The following PDZRN4 variants were observed in gnomAD, a reference collection of about 807,000 sequenced individuals.
PDZRN4 encodes PDZ domain-containing RING finger protein 4.
Under a neutral mutation model 99.0 loss-of-function variants are expected in PDZRN4, and 70 were observed. The ratio of observed to expected loss-of-function variants is 0.71; its 90% CI spans 0.58 to 0.86. The LOEUF is 0.86. Ranked by LOEUF, PDZRN4 falls within the 40% of genes least tolerant of loss-of-function variation. The pLI is 0.00. For missense variants in PDZRN4, 1,474 were observed against 1,331.2 expected (o/e 1.11, Z -1.67); for synonymous variants, 551 against 501.6 (o/e 1.10, Z -1.32).
Position 41,573,657 on chromosome 12 carries a change from C to T in PDZRN4, c.2878C>T (p.Arg960Cys). The change falls in exon 10 of 10, where the codon CGT becomes TGT. Residue 960 changes from arginine (R) to cysteine (C), a missense_variant. Coordinates refer to ENST00000402685, the MANE Select transcript of PDZRN4 (RefSeq NM_001164595.2). ...TAGGGCCAAAGAGCAGCGCCGTCGC[C>T]GTGAGTTCATGATGCGAAGCAGGTT... ...LVRAKEQRRR[R>C]EFMMRSRLEC... The T allele has an allele frequency of 6.2e-7, 1 of 1,613,968 alleles. No homozygotes were observed. The highest frequency in any genetic ancestry group is 8.5e-7 in the Non-Finnish European group (1 of 1,179,992).
chr12:41,552,814 G>C, intron 6 of PDZRN4, 60 bp downstream of exon 6: 4 of 1,298,956 alleles, frequency 3.1e-6, no homozygotes, highest in Non-Finnish European at 4.5e-6. Context: ...AGAGCGAAAT[G>C]ACTCACAATG....
intron 3 of PDZRN4, among the ~76,000 whole-genome samples, chr12:41,239,549 T>C (rs1566385584): frequency 2.6e-5 from 4 of 152,152 alleles, no homozygotes; most frequent in African/African-American, 9.7e-5. Context: ...TGTAATAACA[T>C]AGGGAAATTA....
intron 3 of PDZRN4, among the ~76,000 whole-genome samples, chr12:41,410,338 GATAC>G (rs1205418966): frequency 1.3e-5 from 2 of 152,080 alleles, no homozygotes; most frequent in African/African-American, 4.8e-5. Flanking sequence ...CATACTCACA[GATAC>G]ATACATACAT....
At chr12:41,321,719 C>T (rs1951679150) in intron 3 of PDZRN4, among the ~76,000 whole-genome samples, 1 of 152,126 alleles carries the variant, frequency 6.6e-6, no homozygotes, top group Non-Finnish European at 1.5e-5. Flanking sequence ...TAGGCCATCT[C>T]ATATTGCCTT....
intron 3 of PDZRN4, among the ~76,000 whole-genome samples, chr12:41,472,879 G>A (rs1953006710): frequency 6.6e-6 from 1 of 152,182 alleles, no homozygotes. Flanking sequence ...CCTTGCTCTG[G>A]ACCTTACTAG....
intron 5 of PDZRN4, among the ~76,000 whole-genome samples, chr12:41,520,619 GACACACACACACACACAC>G (rs10580466): frequency 2.0e-4 from 27 of 137,270 alleles, no homozygotes; most frequent in African/African-American, 4.4e-4. Flanking sequence ...CCTAAATACA[GACACACACACACACACAC>G]ACACACACAC....
intron 3 of PDZRN4, among the ~76,000 whole-genome samples, chr12:41,399,591 C>A (rs937397923): frequency 2.6e-5 from 4 of 151,958 alleles, no homozygotes; most frequent in African/African-American, 9.7e-5. Context: ...CAAAAATTAG[C>A]TAGGCATGGT....
At chr12:41,365,366 G>A (rs1353618973) in intron 3 of PDZRN4, among the ~76,000 whole-genome samples, 2 of 151,846 alleles carry the variant, frequency 1.3e-5, no homozygotes, top group African/African-American at 2.4e-5. Context: ...ATTATAATGT[G>A]TGTTTTTTTT....
rs529452118 is a variant in PDZRN4, at chr12:41,574,488, A to G, written c.*598A>G. The G allele has an allele frequency of 2.0e-5, 3 of 152,760 alleles. No homozygotes were observed. The highest frequency in any genetic ancestry group is 7.2e-5 in the African/African-American group (3 of 41,584). The allele number at this position is 152,760 out of a possible 1,614,324, so 9.5% of individuals were successfully genotyped here. The stretch of plus-strand genomic sequence containing the variant: ...TGTCTCAGTAAAGTGTAGGTGGACA[A>G]TCTTCCTGTGATATGTAGTGACATT... On this transcript the variant is annotated 3_prime_UTR_variant, in exon 10 of 10. Coordinates refer to ENST00000402685, the MANE Select transcript of PDZRN4 (RefSeq NM_001164595.2).
At chr12:41,450,495 A>T (rs1952765478) in intron 3 of PDZRN4, among the ~76,000 whole-genome samples, 1 of 152,234 alleles carries the variant, frequency 6.6e-6, no homozygotes, top group South Asian at 2.1e-4. Flanking sequence ...CTAGAATCTT[A>T]TTCAGATACT....
intron 3 of PDZRN4, among the ~76,000 whole-genome samples, chr12:41,379,105 A>G (rs1437649911): frequency 6.6e-6 from 1 of 151,982 alleles, no homozygotes; most frequent in African/African-American, 2.4e-5. Context: ...ATATGTTTCC[A>G]GGAATTTATT....
chr12:41,362,288 T>A (rs1951969083), intron 3 of PDZRN4, among the ~76,000 whole-genome samples: 1 of 152,044 alleles, frequency 6.6e-6, no homozygotes, highest in Non-Finnish European at 1.5e-5. Context: ...TTATTTTGCC[T>A]GGATTTTTTT....
chr12:41,248,662 T>C (rs770747774), intron 3 of PDZRN4, among the ~76,000 whole-genome samples: 8 of 152,302 alleles, frequency 5.3e-5, no homozygotes, highest in Non-Finnish European at 1.0e-4. Flanking sequence ...TGACATATAT[T>C]GTGAGCTCTA....
At chr12:41,485,537 CTCTT>C (rs1231961711) in intron 3 of PDZRN4, among the ~76,000 whole-genome samples, 2 of 152,092 alleles carry the variant, frequency 1.3e-5, no homozygotes, top group Non-Finnish European at 2.9e-5. Context: ...CTCTTCCTCT[CTCTT>C]TTTCTTTCTT....
chr12:41,417,283 G>T (rs534381026), intron 3 of PDZRN4, among the ~76,000 whole-genome samples: 22 of 152,116 alleles, frequency 1.4e-4, no homozygotes, highest in Non-Finnish European at 2.6e-4. Context: ...ATATTAAATT[G>T]CCAGATGTTT....
At chr12:41,380,756 G>A (rs981859770) in intron 3 of PDZRN4, among the ~76,000 whole-genome samples, 2 of 151,994 alleles carry the variant, frequency 1.3e-5, no homozygotes, top group African/African-American at 4.8e-5. Flanking sequence ...AGTTGAAAGT[G>A]ATTTATGTAT....
chr12:41,315,291 A>G (rs1379456618), intron 3 of PDZRN4, among the ~76,000 whole-genome samples: 3 of 152,152 alleles, frequency 2.0e-5, no homozygotes, highest in Non-Finnish European at 4.4e-5. Context: ...AATTCAGTTT[A>G]GTTTATTATT....
At chr12:41,214,252 T>TAAAAAAAAAAAAA (rs60618442) in intron 3 of PDZRN4, among the ~76,000 whole-genome samples, 5 of 84,778 alleles carry the variant, frequency 5.9e-5, no homozygotes, top group African/African-American at 2.3e-4. Context: ...ACCCTGTATT[T>TAAAAAAAAAAAAA]AAAAAAAAAA....
In PDZRN4 at chr12:41,493,250, TA is replaced by T. The variant is rs879540816; in HGVS notation, c.844-13204del. On this transcript the variant is annotated intron_variant, in intron 3 of 9. Transcript: ENST00000402685. ...ACATAAAATCATCGGAGATGCAAAG[TA>T]ATTTGTGCAGACATGGAACAATGGA... Among the ~76,000 whole-genome samples, 6 of 152,316 alleles carry T rather than the reference TA, an allele frequency of 3.9e-5. No individual in the cohort carries two copies. In the Middle Eastern group the frequency reaches 0.02, roughly 518 times the overall value.
Sources: gnomAD v4.1 joint callset for allele counts (sites outside exome capture counted in the v4.1 genomes callset) on GRCh38, gnomAD v4.1.1 for gene constraint, MANE v1.5 for transcripts, NCBI Gene and HGNC (gene_info 2026-07-23, HGNC 2026-07-21) for gene names.